Variants in NUCB2 observed in about 807,000 individuals in gnomAD.
NUCB2 encodes the protein nucleobindin 2, also known as nucleobindin-2.
Under a neutral mutation model 57.9 loss-of-function variants are expected in NUCB2, and 48 were observed. The observed-to-expected ratio is 0.83, with a 90% CI of 0.66 to 1.05. NUCB2 has a LOEUF of 1.05. Among genes scored for constraint, NUCB2 ranks in the 50% least tolerant of loss-of-function variants. The pLI is 0.00. For synonymous variants in NUCB2, 139 were observed against 152.1 expected (o/e 0.91, Z 0.64); for missense variants, 442 against 476.2 (o/e 0.93, Z 0.67).
intron 2 of NUCB2, among the ~76,000 whole-genome samples, chr11:17,341,994 G>T (rs912447916): frequency 2.0e-4 from 31 of 152,136 alleles, no homozygotes; most frequent in Admixed American, 1.5e-3. Context: ...CAATTTCAGA[G>T]CCTGTTATTG....
intron 5 of NUCB2, among the ~76,000 whole-genome samples, chr11:17,305,889 G>A (rs960613651): frequency 2.3e-4 from 35 of 152,146 alleles, no homozygotes; most frequent in African/African-American, 7.9e-4. Flanking sequence ...GCCTCCTAAA[G>A]TGCAGGGATT....
At chr11:17,344,611 G>C (rs10832769) in intron 2 of NUCB2, among the ~76,000 whole-genome samples, 35,803 of 152,014 alleles carry the variant, frequency 0.24, 4,941 homozygotes, top group East Asian at 0.5. Flanking sequence ...CTATTATCAG[G>C]CCTTTCAAAC....
At chr11:17,332,901 G>A, downstream of NUCB2, 1 of 151,998 alleles carries the variant, frequency 6.6e-6, no homozygotes, top group Admixed American at 6.6e-5. Flanking sequence ...TTGTAGAGAT[G>A]GAGTATTGCT....
intron 5 of NUCB2, among the ~76,000 whole-genome samples, chr11:17,303,617 G>A (rs1478424744): frequency 6.6e-6 from 1 of 152,192 alleles, no homozygotes; most frequent in Admixed American, 6.5e-5. Flanking sequence ...GGGCATGATG[G>A]CTCACGCCTG....
At chr11:17,289,611 T>G (rs1944587386) in intron 2 of NUCB2, among the ~76,000 whole-genome samples, 1 of 152,230 alleles carries the variant, frequency 6.6e-6, no homozygotes, top group African/African-American at 2.4e-5. Context: ...TCAGCCACCA[T>G]CCATCAACCC....
At position 17,330,067 on chromosome 11, in the gene NUCB2, T is replaced by G; in HGVS notation, c.1003-60T>G. Reference sequence around the variant, plus strand: ...TTTGCTAACCATAGAATTTTAAAGCTAAATCAGACTTTATTGTTGTAGTTT... The same window carrying G: ...TTTGCTAACCATAGAATTTTAAAGCGAAATCAGACTTTATTGTTGTAGTTT... On this transcript the variant is annotated intron_variant, in intron 11 of 13. Coordinates refer to ENST00000529010, the MANE Select transcript of NUCB2 (RefSeq NM_005013.4). The surrounding 1 kb of genome is among the most constrained non-coding windows in gnomAD (Gnocchi z 4.3). The G allele has an allele frequency of 2.1e-6, 2 of 959,534 alleles. No individual in the cohort carries two copies. The allele number at this position is 959,534 out of a possible 1,614,324, so 59.4% of individuals were successfully genotyped here. A position where few individuals can be genotyped will look rare whatever the true frequency, so the allele number is the denominator to read the frequency against.
intron 2 of NUCB2, among the ~76,000 whole-genome samples, chr11:17,290,134 G>A (rs564149170): frequency 9.9e-5 from 15 of 152,274 alleles, no homozygotes; most frequent in African/African-American, 3.4e-4. Flanking sequence ...AGCACTAGTT[G>A]TTCCTTTATA....
intron 2 of NUCB2, among the ~76,000 whole-genome samples, chr11:17,344,572 A>G (rs891834023): frequency 6.6e-6 from 1 of 152,164 alleles, no homozygotes; most frequent in Non-Finnish European, 1.5e-5. Context: ...TCAGTCTTAA[A>G]GTTTCATAGC....
intron 5 of NUCB2, 45 bp from the exon 6 acceptor site, chr11:17,309,523 TTCTA>T: frequency 9.5e-7 from 1 of 1,051,204 alleles, no homozygotes; most frequent in Non-Finnish European, 1.4e-6. Flanking sequence ...ATTATTATGT[TTCTA>T]GCTTCTAGAA....
In NUCB2 at chr11:17,303,659, T is replaced by C. The variant is rs542493680; in HGVS notation, c.379+1789T>C. On this transcript the variant is annotated intron_variant, in intron 5 of 13. Transcript: ENST00000529010. ...CAGCACTTTGGGAGGCCGAGGCGAG[T>C]GGGTCACCTGAGGTCAGGAGATTGA... Among the ~76,000 whole-genome samples the C allele has an allele frequency of 1.6e-4, 25 of 151,732 alleles. No individual in the cohort carries two copies. The South Asian group carries it at 5.0e-3, about 30-fold the overall frequency.
chr11:17,296,726 T>C (rs1249724188), intron 4 of NUCB2, among the ~76,000 whole-genome samples: 1 of 152,102 alleles, frequency 6.6e-6, no homozygotes, highest in African/African-American at 2.4e-5. Flanking sequence ...GCAGTAACTG[T>C]GGCTAGACCC....
intron 11 of NUCB2, among the ~76,000 whole-genome samples, chr11:17,320,124 T>G (rs1439573768): frequency 3.3e-5 from 5 of 152,222 alleles, no homozygotes; most frequent in African/African-American, 1.2e-4. Flanking sequence ...CCACATTTCT[T>G]TATCTACTCA....
intron 4 of NUCB2, among the ~76,000 whole-genome samples, chr11:17,299,676 G>C (rs1946380264): frequency 6.6e-6 from 1 of 152,106 alleles, no homozygotes; most frequent in African/African-American, 2.4e-5. Context: ...GGCTGAGGTG[G>C]GTGGATTGCT....
intron 2 of NUCB2, among the ~76,000 whole-genome samples, chr11:17,291,931 G>A (rs1021809896): frequency 6.6e-6 from 1 of 152,028 alleles, no homozygotes; most frequent in Non-Finnish European, 1.5e-5. Context: ...ATTTTAAGCT[G>A]GCTGAGTAAG....
At chr11:17,320,592 G>A (rs555316340) in intron 11 of NUCB2, among the ~76,000 whole-genome samples, 2 of 152,274 alleles carry the variant, frequency 1.3e-5, no homozygotes, top group South Asian at 2.1e-4. Flanking sequence ...GGGAGATGGA[G>A]GTTGCAGTGA....
intron 2 of NUCB2, among the ~76,000 whole-genome samples, chr11:17,340,145 T>A (rs1952133681): frequency 6.6e-6 from 1 of 152,262 alleles, no homozygotes; most frequent in Non-Finnish European, 1.5e-5. Flanking sequence ...GCTGCATAAA[T>A]GTCTTCTTTT....
chr11:17,319,508 A>G (rs1312268280), intron 11 of NUCB2, among the ~76,000 whole-genome samples: 1 of 152,226 alleles, frequency 6.6e-6, no homozygotes, highest in Non-Finnish European at 1.5e-5. Context: ...ATTGCTTCCA[A>G]GGTCTTGTCA....
chr11:17,306,134 CAA>C (rs961987031), intron 5 of NUCB2, among the ~76,000 whole-genome samples: 2 of 151,816 alleles, frequency 1.3e-5, no homozygotes, highest in Non-Finnish European at 2.9e-5. Context: ...GAGTCAAAAT[CAA>C]AGAGTAGATT....
rs999059940 is a variant in NUCB2 at position 17,311,417 on chromosome 11, A to G, written c.760+134A>G. The G allele has an allele frequency of 4.8e-6, 3 of 626,554 alleles. No homozygotes were observed. The African/African-American group carries it at 5.6e-5, about 12-fold the overall frequency. 38.8% of individuals were successfully genotyped at this position (626,554 alleles called of 1,614,324 possible). On this transcript the variant is annotated intron_variant, in intron 8 of 13. Coordinates refer to ENST00000529010, the MANE Select transcript of NUCB2 (RefSeq NM_005013.4). ...AAATGGTTAGAGTTTTTCTAGGGTAATATGATAGTCTTTATTGCTCACCTG... is the reference window on the plus strand; with the variant it reads ...AAATGGTTAGAGTTTTTCTAGGGTAGTATGATAGTCTTTATTGCTCACCTG...
Sources: gnomAD v4.1 joint callset for allele counts (sites outside exome capture counted in the v4.1 genomes callset) on GRCh38, gnomAD v4.1.1 for gene constraint, Gnocchi (gnomAD v3.1) non-coding constraint, MANE v1.5 for transcripts, NCBI Gene and HGNC (gene_info 2026-07-23, HGNC 2026-07-21) for gene names.